B4GALT1: variants seen among roughly 807,000 people sequenced by gnomAD.
B4GALT1 encodes N-acetyllactosamine synthase.
In B4GALT1, 16 loss-of-function variants were observed where a neutral mutation model predicts 34.9. That is an observed-to-expected ratio of 0.46 (90% confidence interval 0.31 to 0.70). The LOEUF is 0.70. Among genes scored for constraint, B4GALT1 ranks in the 30% least tolerant of loss-of-function variants. The probability of loss-of-function intolerance (pLI) is 0.05; values close to 1 mark genes in which losing one functional copy is unlikely to be tolerated. For synonymous variants in B4GALT1, 221 were observed against 218.1 expected (o/e 1.01, Z -0.12); for missense variants, 445 against 530.5 (o/e 0.84, Z 1.58).
chr9:33,126,889 T>C (rs1177733544), intron 2 of B4GALT1, among the ~76,000 whole-genome samples: 2 of 152,206 alleles, frequency 1.3e-5, no homozygotes, highest in African/African-American at 2.4e-5. Context: ...ACTGAGCTCC[T>C]TGAAGAGCCC....
intron 2 of B4GALT1, among the ~76,000 whole-genome samples, chr9:33,129,785 A>C (rs1273501976): frequency 2.0e-5 from 3 of 152,160 alleles, no homozygotes; most frequent in Non-Finnish European, 4.4e-5. Flanking sequence ...AGGGAAGCTT[A>C]AAAGATAGCC....
intron 4 of B4GALT1, 40 bp from the exon 5 acceptor site, chr9:33,113,918 C>T (rs1370108543): frequency 1.3e-5 from 20 of 1,594,418 alleles, no homozygotes; most frequent in Non-Finnish European, 1.7e-5. Context: ...ACAGAGCTGC[C>T]ATACACTTGG....
chr9:33,120,365 G>C, intron 3 of B4GALT1, 54 bp downstream of exon 3: 1 of 1,598,992 alleles, frequency 6.3e-7, no homozygotes, highest in Non-Finnish European at 8.6e-7. Context: ...GCATTTCCTA[G>C]TCAACACATG....
downstream of B4GALT1, among the ~76,000 whole-genome samples, chr9:33,109,804 C>G (rs1005572780): frequency 6.6e-6 from 1 of 152,190 alleles, no homozygotes; most frequent in Non-Finnish European, 1.5e-5. Context: ...CTAGTGTCCA[C>G]TAGAAAACTG....
chr9:33,164,408 C>T (rs768141079), intron 1 of B4GALT1, among the ~76,000 whole-genome samples: 37 of 152,208 alleles, frequency 2.4e-4, no homozygotes, highest in Non-Finnish European at 3.8e-4. Context: ...CCCAAACCTA[C>T]AGACCCTATT....
intron 2 of B4GALT1, among the ~76,000 whole-genome samples, chr9:33,123,017 G>C (rs889893260): frequency 6.6e-6 from 1 of 152,066 alleles, no homozygotes. Flanking sequence ...AGTGGCTCAC[G>C]TATGTAATCC....
Position 33,167,136 on chromosome 9 carries a change from C to T in B4GALT1, c.34G>A (p.Ala12Thr), listed in dbSNP as rs757627343. 6.2e-7 allele frequency: 1 copy of T among 1,601,158 alleles called. No individual in the cohort carries two copies. The highest frequency in any genetic ancestry group is 8.5e-7 in the Non-Finnish European group (1 of 1,176,240). ...TGTAGGGACGCGCCTGGCATCGCGG[C>T]GCTGCCGCTCAGGAGCGGCTCCCGA... The part of the protein sequence containing the change: ...RLREPLLSGS[A>T]AMPGASLQRA... Residue 12 changes from alanine to threonine, a missense_variant, in exon 1 of 6, where the codon GCC (alanine) becomes ACC (threonine). This residue lies in a region of B4GALT1 where 349 missense variants were observed against 395.5 expected (regional missense o/e 0.88). Transcript: ENST00000379731.
At chr9:33,184,273 C>CGT in the B4GALT1 span, among the ~76,000 whole-genome samples, 1 of 151,814 alleles carries the variant, frequency 6.6e-6, no homozygotes, top group Non-Finnish European at 1.5e-5. Flanking sequence ...CACACACACA[C>CGT]ACACACACAC....
chr9:33,120,072 T>C (rs942183227), intron 3 of B4GALT1, among the ~76,000 whole-genome samples: 7 of 151,838 alleles, frequency 4.6e-5, no homozygotes, highest in Non-Finnish European at 8.8e-5. Context: ...TAGTCCCAGC[T>C]ACTCAGGAGG....
Position 33,113,769 on chromosome 9 carries a change from T to A in B4GALT1, c.1064+5A>T, listed in dbSNP as rs182359666. The A allele has an allele frequency of 1.1e-3, 1,775 of 1,614,130 alleles. 5 individuals are homozygous for A. Among genetic ancestry groups the A allele is most frequent in the South Asian group, 5.9e-3 (541 of 91,082 alleles). On this transcript the variant is annotated splice_donor_5th_base_variant and intron_variant, in intron 5 of 5. Transcript: ENST00000379731. The stretch of plus-strand genomic sequence containing the variant: ...GGAAGGAGTATGAATAAACAAAGAA[T>A]GCACCTCTGAGGATTGGGTTCATTT...
intron 1 of B4GALT1, among the ~76,000 whole-genome samples, chr9:33,146,175 G>A (rs1840422661): frequency 6.6e-6 from 1 of 152,210 alleles, no homozygotes; most frequent in African/African-American, 2.4e-5. Flanking sequence ...AGGAATTTCT[G>A]CTTTCTTTGG....
chr9:33,106,071 T>C (rs1839794528), downstream of B4GALT1, among the ~76,000 whole-genome samples: 2 of 152,138 alleles, frequency 1.3e-5, no homozygotes, highest in Non-Finnish European at 2.9e-5. Context: ...CATTTTACAT[T>C]CCTACCAGCA....
At chr9:33,154,682 T>C (rs954850664) in intron 1 of B4GALT1, among the ~76,000 whole-genome samples, 1 of 152,240 alleles carries the variant, frequency 6.6e-6, no homozygotes, top group Admixed American at 6.5e-5. Flanking sequence ...GACCAACTTA[T>C]CTATTCATCT....
At chr9:33,120,206 A>AGG (rs1212432339) in intron 3 of B4GALT1, among the ~76,000 whole-genome samples, 8 of 151,006 alleles carry the variant, frequency 5.3e-5, no homozygotes, top group African/African-American at 7.3e-5. Flanking sequence ...AAAAAAAAAA[A>AGG]GGGGGGAAAA....
intron 1 of B4GALT1, among the ~76,000 whole-genome samples, chr9:33,159,423 C>T (rs1159586494): frequency 6.6e-6 from 1 of 152,168 alleles, no homozygotes; most frequent in Non-Finnish European, 1.5e-5. Flanking sequence ...AGTGCAACCT[C>T]GCCCTAGCAC....
intron 4 of B4GALT1, among the ~76,000 whole-genome samples, chr9:33,114,624 G>A (rs1249580050): frequency 1.3e-5 from 2 of 152,202 alleles, no homozygotes; most frequent in African/African-American, 4.8e-5. Context: ...GGAGGGCTGA[G>A]AACAAGACTA....
chr9:33,172,570 T>C, the B4GALT1 span, among the ~76,000 whole-genome samples: 1 of 152,200 alleles, frequency 6.6e-6, no homozygotes. Flanking sequence ...CTCAGGAATT[T>C]CTGTTAGTCA....
chr9:33,120,206 A>C (rs1969976), intron 3 of B4GALT1, among the ~76,000 whole-genome samples: 3 of 151,018 alleles, frequency 2.0e-5, no homozygotes, highest in East Asian at 1.9e-4. Context: ...AAAAAAAAAA[A>C]GGGGGGAAAA....
At chr9:33,183,696 T>C in the B4GALT1 span, among the ~76,000 whole-genome samples, 2 of 148,088 alleles carry the variant, frequency 1.4e-5, no homozygotes, top group Non-Finnish European at 3.0e-5. Flanking sequence ...GACAAGTTAG[T>C]GGGTGCAGCG....
Sources: allele counts gnomAD v4.1 joint callset (sites outside exome capture counted in the v4.1 genomes callset), GRCh38; gene constraint gnomAD v4.1.1; regional missense constraint gnomAD v4.1.1; transcripts MANE v1.5; gene names NCBI Gene and HGNC (gene_info 2026-07-23, HGNC 2026-07-21).